The following ASB14 variants were observed in gnomAD, a reference collection of about 807,000 sequenced individuals.
ASB14 encodes ankyrin repeat and SOCS box containing 14.
In ASB14, 63 loss-of-function variants were observed where a neutral mutation model predicts 55.6. The observed-to-expected ratio is 1.13, with a 90% CI of 0.92 to 1.40. The LOEUF (loss-of-function observed/expected upper bound fraction) is 1.40. ASB14 is among the 40% of genes most tolerant of loss of function. The pLI, the probability that ASB14 is intolerant of heterozygous loss-of-function variation, is 0.00. For synonymous variants in ASB14, 256 were observed against 259.9 expected, an observed-to-expected ratio of 0.98 and a Z score of 0.15; for missense variants, 724 against 710.4, an observed-to-expected ratio of 1.02 and a Z score of -0.22.
At position 57,283,426 on chromosome 3, in the gene ASB14, G is replaced by T. The variant is rs1244357934; in HGVS notation, c.483C>A (p.Asp161Glu). 2.6e-6 allele frequency: 4 copies of T among 1,551,482 alleles called. No individual in the cohort carries two copies. In the South Asian group the frequency reaches 4.8e-5, roughly 18 times the overall value. Residue 161 changes from aspartate to glutamate, a missense_variant, in exon 6 of 11, where the codon GAC becomes GAA. Coordinates refer to ENST00000487349, the MANE Select transcript of ASB14 (RefSeq NM_001142733.3). The stretch of plus-strand genomic sequence containing the variant: ...TCAGCAAGGCAGCCATGTCATAGCA[G>T]TCACGCAGCACAGCTGGGAAATGAG... Reference protein sequence around the residue: ...NSPLLAAVLRDCYDMAALLIN... With the variant: ...NSPLLAAVLRECYDMAALLIN...
At chr3:57,273,684 G>GAAA (rs1224089336) in intron 10 of ASB14, among the ~76,000 whole-genome samples, 2 of 151,982 alleles carry the variant, frequency 1.3e-5, no homozygotes, top group Non-Finnish European at 2.9e-5. Context: ...TTTAGCAAAG[G>GAAA]AAAAAGACTT....
intron 3 of ASB14, among the ~76,000 whole-genome samples, chr3:57,288,569 C>T: frequency 6.6e-6 from 1 of 152,152 alleles, no homozygotes. Context: ...GTATTTTCTC[C>T]CAGAAAAGCC....
chr3:57,277,987 G>C, intron 8 of ASB14, 67 bp from the exon 9 acceptor site: 1 of 1,407,286 alleles, frequency 7.1e-7, no homozygotes, highest in Non-Finnish European at 9.8e-7. Flanking sequence ...GTTTAGCATA[G>C]TAGTCAAAGG....
chr3:57,291,975 A>G lies in ASB14; in HGVS notation c.59T>C (p.Ile20Thr). 1 of 1,536,132 alleles carries G rather than the reference A, an allele frequency of 6.5e-7. No individual in the cohort carries two copies. Among genetic ancestry groups the G allele is most frequent in the Non-Finnish European group, 8.7e-7 (1 of 1,145,766 alleles). Residue 20 changes from isoleucine (I) to threonine (T), a missense_variant, in exon 2 of 11, where the codon ATT becomes ACT. Ile to Thr is a moderately conservative substitution (Grantham distance 89, BLOSUM62 -1). Coordinates refer to ENST00000487349, the MANE Select transcript of ASB14 (RefSeq NM_001142733.3). Reference sequence around the variant, plus strand: ...ATAAATATCCTGCAAACTCTGTTGAATGATGAGCTGGGTGTCAAAGTCTTC... The same window carrying G: ...ATAAATATCCTGCAAACTCTGTTGAGTGATGAGCTGGGTGTCAAAGTCTTC... ...IDEDFDTQLI[I>T]QQSLQDIYKP...
chr3:57,289,849 G>A (rs1456733759), intron 2 of ASB14, among the ~76,000 whole-genome samples: 9 of 151,850 alleles, frequency 5.9e-5, no homozygotes, highest in Non-Finnish European at 1.5e-5. Flanking sequence ...GGGTTTTACT[G>A]TGTTAGCCAG....
intron 2 of ASB14, among the ~76,000 whole-genome samples, chr3:57,289,574 G>A (rs2061111900): frequency 1.3e-5 from 2 of 151,912 alleles, no homozygotes; most frequent in Non-Finnish European, 1.5e-5. Flanking sequence ...GTCAGAATGT[G>A]TGCTCAGAAA....
intron 9 of ASB14, 104 bp downstream of exon 9, chr3:57,277,663 T>C (rs2061000693): frequency 1.9e-6 from 2 of 1,045,744 alleles, no homozygotes; most frequent in Non-Finnish European, 2.8e-6. Flanking sequence ...CTGGTTTAAG[T>C]CAAGCTTTTA....
intron 10 of ASB14, chr3:57,270,937 A>AC (rs2060933427): frequency 6.6e-6 from 1 of 152,132 alleles, no homozygotes; most frequent in Admixed American, 6.5e-5. Context: ...CCTATTGTTT[A>AC]TGTTAAACCT....
chr3:57,283,112 T>C, intron 6 of ASB14, 82 bp downstream of exon 6: 1 of 1,463,192 alleles, frequency 6.8e-7, no homozygotes, highest in South Asian at 1.3e-5. Flanking sequence ...TAACTTTTAT[T>C]ATTTTGAAGC....
chr3:57,289,054 A>C lies in ASB14; in HGVS notation c.178+14T>G, dbSNP rs1439763205. 6.7e-7 allele frequency: 1 copy of C among 1,495,066 alleles called. No homozygotes were observed. The highest frequency in any genetic ancestry group is 2.5e-5 in the East Asian group (1 of 40,686). 92.6% of individuals were successfully genotyped at this position (1,495,066 alleles called of 1,614,324 possible). A position where few individuals can be genotyped will look rare whatever the true frequency, so the allele number is the denominator to read the frequency against. The stretch of plus-strand genomic sequence containing the variant: ...CACATCTTACCACAAGTTAAAGGGG[A>C]TAGGAGTACTTAACTTTCTCTATTG... On this transcript the variant is annotated intron_variant, in intron 3 of 10. Coordinates refer to ENST00000487349, the MANE Select transcript of ASB14 (RefSeq NM_001142733.3).
At position 57,274,335 on chromosome 3, in the gene ASB14, A is replaced by G. The variant is rs543620122; in HGVS notation, c.*22+2193T>C. 1.7e-4 allele frequency among the ~76,000 whole-genome samples: 26 copies of G among 152,336 alleles called. 1 individual carries two copies. In the South Asian group the frequency reaches 5.2e-3, roughly 30 times the overall value. ...TATGGCTTCTAAATGTGACACAAGT[A>G]TGGTTGAATGAATGTCTTTTTCAGT... On this transcript the variant is annotated intron_variant, in intron 10 of 10. Transcript: ENST00000487349.
At chr3:57,291,022 C>T (rs2061124155) in intron 2 of ASB14, among the ~76,000 whole-genome samples, 1 of 152,132 alleles carries the variant, frequency 6.6e-6, no homozygotes, top group Admixed American at 6.5e-5. Flanking sequence ...GCCTCACTTT[C>T]CTCCTCTCTA....
rs1216760169 is a variant in ASB14, at chr3:57,283,358, C to G, written c.551G>C (p.Arg184Thr). The G allele has an allele frequency of 5.2e-6, 8 of 1,551,686 alleles. No individual in the cohort carries two copies. The highest frequency in any genetic ancestry group is 7.0e-6 in the Non-Finnish European group (8 of 1,146,954). The part of the protein sequence containing the change: ...ADVNLRCANE[R>T]TALHEAAKLG... ...TTTGGCTGCTTCGTGGAGAGCTGTCCTCTCGTTGGCACAACGCAGATTGAC... is the reference window on the plus strand; with the variant it reads ...TTTGGCTGCTTCGTGGAGAGCTGTCGTCTCGTTGGCACAACGCAGATTGAC... Residue 184 changes from arginine (R) to threonine (T), a missense_variant, in exon 6 of 11, where the codon AGG becomes ACG. By Grantham distance (71) the Arg-to-Thr change is moderately conservative. Transcript: ENST00000487349.
At chr3:57,288,708 CTTTTT>C (rs747854434) in intron 3 of ASB14, among the ~76,000 whole-genome samples, 4 of 102,380 alleles carry the variant, frequency 3.9e-5, no homozygotes, top group East Asian at 7.9e-4. Context: ...CATATCTTTC[CTTTTT>C]TTTTTTTTTT....
At chr3:57,287,301 C>T (rs2061088297) in intron 5 of ASB14, among the ~76,000 whole-genome samples, 1 of 152,166 alleles carries the variant, frequency 6.6e-6, no homozygotes, top group Admixed American at 6.5e-5. Flanking sequence ...CTATCTTTAG[C>T]TCTTTCTTCT....
intron 6 of ASB14, among the ~76,000 whole-genome samples, chr3:57,282,291 T>C (rs1038594967): frequency 3.3e-5 from 5 of 152,214 alleles, no homozygotes; most frequent in Admixed American, 6.5e-5. Context: ...GGACTGTGTA[T>C]TGTTAAAGAA....
In ASB14 at chr3:57,269,482, A is replaced by G; in HGVS notation, c.*159T>C. On this transcript the variant is annotated 3_prime_UTR_variant, in exon 11 of 11. Transcript: ENST00000487349. The stretch of plus-strand genomic sequence containing the variant: ...GCTCTCAAGAATGTATCTTAACTGC[A>G]TAATTTGCCATTTGACTGCAGACAA... The G allele has an allele frequency of 3.1e-6, 5 of 1,590,122 alleles. No homozygotes were observed. The highest frequency in any genetic ancestry group is 1.3e-5 in the African/African-American group (1 of 74,348).
At chr3:57,278,050 G>T in intron 8 of ASB14, 130 bp from the exon 9 acceptor site, 3 of 768,850 alleles carry the variant, frequency 3.9e-6, no homozygotes, top group South Asian at 1.9e-5. Flanking sequence ...AATGGGAAGG[G>T]ATGGTAGTGG....
rs2060911550 is a variant in ASB14 at position 57,268,571 on chromosome 3, A to C, written c.*1070T>G. 7.0e-7 allele frequency: 1 copy of C among 1,438,338 alleles called. No individual in the cohort carries two copies. The highest frequency in any genetic ancestry group is 2.4e-5 in the Admixed American group (1 of 42,304). The allele number at this position is 1,438,338 out of a possible 1,614,324, so 89.1% of individuals were successfully genotyped here. A position where few individuals can be genotyped will look rare whatever the true frequency, so the allele number is the denominator to read the frequency against. On this transcript the variant is annotated 3_prime_UTR_variant, in exon 11 of 11. Coordinates refer to ENST00000487349, the MANE Select transcript of ASB14 (RefSeq NM_001142733.3). ...TATGACTTTCAGATTTGAATTTCCAAATGAAGGGCTGTTTCTGCTTGTTCA... is the reference window on the plus strand; with the variant it reads ...TATGACTTTCAGATTTGAATTTCCACATGAAGGGCTGTTTCTGCTTGTTCA...
Sources: allele counts gnomAD v4.1 joint callset (sites outside exome capture counted in the v4.1 genomes callset), GRCh38; gene constraint gnomAD v4.1.1; transcripts MANE v1.5; gene names NCBI Gene and HGNC (gene_info 2026-07-23, HGNC 2026-07-21).